The following TRIM44 variants were observed in gnomAD, a reference collection of about 807,000 sequenced individuals.
TRIM44 encodes the protein tripartite motif-containing protein 44.
TRIM44 carries 13 observed loss-of-function variants against 37.4 expected under a neutral mutation model. The ratio of observed to expected loss-of-function variants is 0.35; its 90% CI spans 0.23 to 0.55. The LOEUF is 0.55. TRIM44 is among the 20% of genes least tolerant of loss of function. TRIM44 has a pLI of 0.89. For missense variants in TRIM44, 426 were observed against 437.2 expected, an observed-to-expected ratio of 0.97 and a Z score of 0.23; for synonymous variants, 175 against 157.2, an observed-to-expected ratio of 1.11 and a Z score of -0.85.
intron 3 of TRIM44, among the ~76,000 whole-genome samples, chr11:35,726,775 G>A (rs1852180837): frequency 6.6e-6 from 1 of 151,824 alleles, no homozygotes; most frequent in South Asian, 2.1e-4. Flanking sequence ...TATTTTTAAC[G>A]GGAATAAAAG....
intron 4 of TRIM44, among the ~76,000 whole-genome samples, chr11:35,777,871 C>G (rs576086974): frequency 3.9e-4 from 59 of 152,316 alleles, no homozygotes; most frequent in African/African-American, 1.3e-3. Context: ...CGACCTTTCT[C>G]TCTGGCTGCC....
At chr11:35,739,131 G>T (rs1852361012) in intron 4 of TRIM44, among the ~76,000 whole-genome samples, 3 of 151,962 alleles carry the variant, frequency 2.0e-5, no homozygotes, top group Admixed American at 2.0e-4. Flanking sequence ...AAATTTCATT[G>T]TGCAGTTATT....
At chr11:35,730,943 T>C (rs957297215) in intron 3 of TRIM44, among the ~76,000 whole-genome samples, 1 of 151,644 alleles carries the variant, frequency 6.6e-6, no homozygotes, top group Non-Finnish European at 1.5e-5. Context: ...ATTAGCCTTA[T>C]ATCTTGTAAC....
In TRIM44 at chr11:35,814,430, A is replaced by T. The variant is rs1197986326; in HGVS notation, c.*8045A>T. 6.6e-6 allele frequency: 1 copy of T among 152,196 alleles called. No homozygotes were observed. The highest frequency in any genetic ancestry group is 2.4e-5 in the African/African-American group (1 of 41,444). 9.4% of individuals were successfully genotyped at this position (152,196 alleles called of 1,614,324 possible). The stretch of plus-strand genomic sequence containing the variant: ...ATCAAAGAATTGCTTGCATCTAATA[A>T]TGGTGTAATGCCAATACTAAGCCCT... On this transcript the variant is annotated 3_prime_UTR_variant, in exon 5 of 5. Coordinates refer to ENST00000299413, the MANE Select transcript of TRIM44 (RefSeq NM_017583.6).
intron 4 of TRIM44, among the ~76,000 whole-genome samples, chr11:35,738,176 C>T (rs73438966): frequency 0.047 from 7,089 of 152,184 alleles, 551 homozygotes; most frequent in African/African-American, 0.16. Flanking sequence ...TTAGGAGAGC[C>T]GAATTAGGGT....
chr11:35,679,403 A>G (rs1465954727), intron 1 of TRIM44, among the ~76,000 whole-genome samples: 1 of 152,232 alleles, frequency 6.6e-6, no homozygotes, highest in African/African-American at 2.4e-5. Context: ...TGAATGTATC[A>G]GGTAATATGT....
intron 4 of TRIM44, among the ~76,000 whole-genome samples, chr11:35,773,398 G>C (rs1852901671): frequency 6.6e-6 from 1 of 151,976 alleles, no homozygotes; most frequent in African/African-American, 2.4e-5. Flanking sequence ...TTTGTCAGAT[G>C]CATAGTTTGC....
chr11:35,679,702 A>G (rs1261779243), intron 1 of TRIM44, among the ~76,000 whole-genome samples: 2 of 152,168 alleles, frequency 1.3e-5, no homozygotes, highest in Non-Finnish European at 2.9e-5. Flanking sequence ...CTTTATTTTT[A>G]TGTCATATGT....
intron 2 of TRIM44, among the ~76,000 whole-genome samples, chr11:35,715,937 A>G (rs1293403531): frequency 6.6e-6 from 1 of 152,160 alleles, no homozygotes; most frequent in African/African-American, 2.4e-5. Flanking sequence ...GGATGGTGGT[A>G]AATCACTCAT....
rs144672687 is a variant in TRIM44, at chr11:35,713,907, T to C, written c.748-12017T>C. 8.0e-3 allele frequency among the ~76,000 whole-genome samples: 1,218 copies of C among 152,290 alleles called. 6 individuals carry two copies. The highest frequency in any genetic ancestry group is 0.013 in the Non-Finnish European group (908 of 68,020). ...TCCTGTGCTTTCTGTACTTTGCTTC[T>C]GTATCATTGAAGTAGACTGACCCTG... On this transcript the variant is annotated intron_variant, in intron 2 of 4. Transcript: ENST00000299413.
chr11:35,792,054 T>C (rs1853219349), intron 4 of TRIM44, among the ~76,000 whole-genome samples: 1 of 128,346 alleles, frequency 7.8e-6, no homozygotes, highest in African/African-American at 3.0e-5. Flanking sequence ...ATACCATCCC[T>C]TCCTGAGGAG....
At chr11:35,670,846 A>G (rs1349607674) in intron 1 of TRIM44, among the ~76,000 whole-genome samples, 1 of 152,220 alleles carries the variant, frequency 6.6e-6, no homozygotes, top group East Asian at 1.9e-4. Context: ...TATTCTCCTC[A>G]GAAAGAGCAT....
chr11:35,778,327 C>T (rs1464735992), intron 4 of TRIM44, among the ~76,000 whole-genome samples: 1 of 152,132 alleles, frequency 6.6e-6, no homozygotes, highest in African/African-American at 2.4e-5. Flanking sequence ...AAGGTGTTCT[C>T]TACACTATTT....
chr11:35,742,701 T>TTATATTAACTATATTAAATA, intron 4 of TRIM44, among the ~76,000 whole-genome samples: 1 of 136,922 alleles, frequency 7.3e-6, no homozygotes, highest in South Asian at 2.1e-4. Flanking sequence ...TTAAATATAA[T>TTATATTAACTATATTAAATA]TATATTAACT....
intron 3 of TRIM44, among the ~76,000 whole-genome samples, chr11:35,726,741 A>G (rs1175487724): frequency 1.3e-5 from 2 of 152,144 alleles, no homozygotes; most frequent in African/African-American, 4.8e-5. Flanking sequence ...TCACTATACA[A>G]ATGTTAGTTG....
intron 4 of TRIM44, among the ~76,000 whole-genome samples, chr11:35,770,279 T>A (rs1852850214): frequency 6.6e-6 from 1 of 152,212 alleles, no homozygotes; most frequent in African/African-American, 2.4e-5. Flanking sequence ...TGTCTTTGTA[T>A]CATATTTGCT....
At chr11:35,694,012 C>A (rs1035995334) in intron 2 of TRIM44, among the ~76,000 whole-genome samples, 4 of 152,152 alleles carry the variant, frequency 2.6e-5, no homozygotes, top group Non-Finnish European at 4.4e-5. Context: ...AATGAGCTAA[C>A]CAGTCTACTC....
In TRIM44 at chr11:35,699,102, C is replaced by T. The variant is rs1010242083; in HGVS notation, c.747+13766C>T. On this transcript the variant is annotated intron_variant, in intron 2 of 4. Coordinates refer to ENST00000299413, the MANE Select transcript of TRIM44 (RefSeq NM_017583.6). ...CAAAGATCAGATAGTTGTAGATTAG[C>T]GGCATTATTTCTGAGGGTTCTGTTC... Among the ~76,000 whole-genome samples, 18 of 147,312 alleles carry T rather than the reference C, an allele frequency of 1.2e-4. 3 individuals are homozygous for T. The highest frequency in any genetic ancestry group is 3.3e-4 in the African/African-American group (13 of 39,766).
At position 35,662,953 on chromosome 11, in the gene TRIM44, G is replaced by T. The variant is rs897629552; in HGVS notation, c.-159G>T. ...TCTTTGCTGCTGCGCCCGGGCAGGG[G>T]CTGCCGCGGCCCCAGGTCCCGCTTC... On this transcript the variant is annotated 5_prime_UTR_variant, in exon 1 of 5. Transcript: ENST00000299413. The T allele has an allele frequency of 5.4e-5, 69 of 1,268,496 alleles. No homozygotes were observed. The highest frequency in any genetic ancestry group is 2.8e-4 in the Middle Eastern group (1 of 3,556). The allele number at this position is 1,268,496 out of a possible 1,614,324, so 78.6% of individuals were successfully genotyped here.
Sources: allele counts gnomAD v4.1 joint callset (sites outside exome capture counted in the v4.1 genomes callset), GRCh38; gene constraint gnomAD v4.1.1; transcripts MANE v1.5; gene names NCBI Gene and HGNC (gene_info 2026-07-23, HGNC 2026-07-21).